Variants in LUM observed in about 807,000 individuals in gnomAD.
The protein encoded by LUM is KSPG lumican.
A neutral mutation model predicts 20.5 loss-of-function variants in LUM; 13 were observed. That is an observed-to-expected ratio of 0.63 (90% CI 0.41 to 1.01). The LOEUF (loss-of-function observed/expected upper bound fraction) is 1.01, where lower values mean the gene tolerates loss of function less well. Ranked by LOEUF, LUM falls within the 50% of genes least tolerant of loss-of-function variation. The pLI is 0.00. For synonymous variants in LUM, 173 were observed against 151.5 expected, an observed-to-expected ratio of 1.14 and a Z score of -1.04; for missense variants, 321 against 391.1, an observed-to-expected ratio of 0.82 and a Z score of 1.51.
In LUM at chr12:91,107,238, G is replaced by GGAAAGAAAGAAAGAAA. The variant is rs1555188589; in HGVS notation, c.862+864_862+879dup. Among the ~76,000 whole-genome samples, 13 of 67,358 alleles carry GGAAAGAAAGAAAGAAA rather than the reference G, an allele frequency of 1.9e-4. 1 individual carries two copies. The highest frequency in any genetic ancestry group is 7.0e-4 in the South Asian group (1 of 1,420). The allele number at this position is 67,358 out of a possible 152,430, so 44.2% of individuals were successfully genotyped here. On this transcript the variant is annotated intron_variant, in intron 2 of 2. Transcript: ENST00000266718. ...AAGAGAGAAAGAAGAAAGAAAGAAA[G>GGAAAGAAAGAAAGAAA]GAAAGAAAGAAAGAAAGAAAGAAAG...
At position 91,103,483 on chromosome 12, in the gene LUM, A is replaced by G. The variant is rs1879956945; in HGVS notation, c.*682T>C. 1 of 152,072 alleles carries G rather than the reference A, an allele frequency of 6.6e-6. No individual in the cohort carries two copies. The highest frequency in any genetic ancestry group is 1.9e-4 in the East Asian group (1 of 5,194). The allele number at this position is 152,072 out of a possible 1,614,324, so 9.4% of individuals were successfully genotyped here. A position where few individuals can be genotyped will look rare whatever the true frequency, so the allele number is the denominator to read the frequency against. On this transcript the variant is annotated 3_prime_UTR_variant, in exon 3 of 3. Transcript: ENST00000266718. ...AGGCCAGAGATATCTTTTGATTTCT[A>G]ATCTATTGTTTTATGTATTTTATAT... is the stretch of plus-strand genomic sequence containing the variant.
In LUM at chr12:91,108,891, T is replaced by C; in HGVS notation, c.89A>G (p.Tyr30Cys). 6.2e-7 allele frequency: 1 copy of C among 1,613,976 alleles called. No individual in the cohort carries two copies. The highest frequency in any genetic ancestry group is 1.7e-4 in the Middle Eastern group (1 of 6,060). ...TGCACAGTTTGGTGATGATTGCCCA[T>C]AAATTGATAGGGGAAAATCATAATC... ...YYDYDFPLSI[Y>C]GQSSPNCAPE... The change falls in exon 2 of 3, where the codon TAT becomes TGT. Residue 30 changes from tyrosine (Y) to cysteine (C), a missense_variant. Tyr to Cys is a radical substitution (Grantham distance 194). Coordinates refer to ENST00000266718, the MANE Select transcript of LUM (RefSeq NM_002345.4). The surrounding 1 kb of genome is among the most constrained non-coding windows in gnomAD (Gnocchi z 4.2).
chr12:91,103,091 CTGT>C lies in LUM; in HGVS notation c.*1071_*1073del, dbSNP rs1879944356. 1 of 152,034 alleles carries C rather than the reference CTGT, an allele frequency of 6.6e-6. No individual in the cohort carries two copies. Among genetic ancestry groups the C allele is most frequent in the Admixed American group, 6.6e-5 (1 of 15,254 alleles). The allele number at this position is 152,034 out of a possible 1,614,324, so 9.4% of individuals were successfully genotyped here. Reference sequence around the variant, plus strand: ...GTATATACTCATAGAAAGCTGAAAGCTGTTATTACTGGATTATGAACTCAAAAC... The same window carrying C: ...GTATATACTCATAGAAAGCTGAAAGCTATTACTGGATTATGAACTCAAAAC... On this transcript the variant is annotated 3_prime_UTR_variant, in exon 3 of 3. Coordinates refer to ENST00000266718, the MANE Select transcript of LUM (RefSeq NM_002345.4).
intron 2 of LUM, among the ~76,000 whole-genome samples, chr12:91,107,239 G>GA (rs1491329156): frequency 3.8e-5 from 1 of 26,364 alleles, no homozygotes; most frequent in African/African-American, 1.1e-4. Flanking sequence ...AGAAAGAAAG[G>GA]AAAGAAAGAA....
rs953238748 is a variant in LUM, at chr12:91,104,162, A to T, written c.*3T>A. On this transcript the variant is annotated 3_prime_UTR_variant, in exon 3 of 3. Coordinates refer to ENST00000266718, the MANE Select transcript of LUM (RefSeq NM_002345.4). The stretch of plus-strand genomic sequence containing the variant: ...CATAAAATATTGTTCCAGGATACAG[A>T]TATTAATTAAGAGTGACTTCGTTAG... The T allele has an allele frequency of 3.1e-6, 5 of 1,609,216 alleles. No homozygotes were observed. The highest frequency in any genetic ancestry group is 4.3e-6 in the Non-Finnish European group (5 of 1,176,276).
In LUM at chr12:91,103,931, C is replaced by A; in HGVS notation, c.*234G>T. Reference sequence around the variant, plus strand: ...TCATTTGACAGTAGAAATAAAAAAACACTAAATTTACAAATAAAGCATTGA... The same window carrying A: ...TCATTTGACAGTAGAAATAAAAAAAAACTAAATTTACAAATAAAGCATTGA... On this transcript the variant is annotated 3_prime_UTR_variant, in exon 3 of 3. Transcript: ENST00000266718. 2 of 355,734 alleles carry A rather than the reference C, an allele frequency of 5.6e-6. No individual in the cohort carries two copies. The highest frequency in any genetic ancestry group is 1.0e-5 in the Non-Finnish European group (2 of 197,082). The allele number at this position is 355,734 out of a possible 1,614,324, so 22.0% of individuals were successfully genotyped here.
Position 91,108,554 on chromosome 12 carries a change from C to A in LUM, c.426G>T (p.Leu142=). The change falls in exon 2 of 3, where the codon CTG becomes CTT. Residue 142 remains leucine (L), a synonymous_variant. Coordinates refer to ENST00000266718, the MANE Select transcript of LUM (RefSeq NM_002345.4). The surrounding 1 kb of genome is among the most constrained non-coding windows in gnomAD (Gnocchi z 4.2). ...TTGTGATCTTGTTATGAGTAAGCTG[C>A]AGATCCTCCAGAGATTTGGGAAGTG... The part of the protein sequence containing the change: ...VGPLPKSLED[L]QLTHNKITKL... The A allele has an allele frequency of 6.2e-7, 1 of 1,610,752 alleles. No homozygotes were observed. Among genetic ancestry groups the A allele is most frequent in the Non-Finnish European group, 8.5e-7 (1 of 1,177,682 alleles).
At chr12:91,104,360 A>G in intron 2 of LUM, 41 bp from the exon 3 acceptor site, 1 of 1,411,380 alleles carries the variant, frequency 7.1e-7, no homozygotes, top group Non-Finnish European at 9.9e-7. Flanking sequence ...ATTTTTCAGT[A>G]CACTGGCTCA....
Position 91,108,575 on chromosome 12 carries a change from A to C in LUM, c.405T>G (p.Leu135=), listed in dbSNP as rs1880131878. The C allele has an allele frequency of 6.2e-7, 1 of 1,611,090 alleles. No individual in the cohort carries two copies. Among genetic ancestry groups the C allele is most frequent in the African/African-American group, 1.3e-5 (1 of 74,706 alleles). ...HNNLTESVGP[L]PKSLEDLQLT... ...GCTGCAGATCCTCCAGAGATTTGGGAAGTGGGCCCACAGACTCTGTCAGGT... is the reference window on the plus strand; with the variant it reads ...GCTGCAGATCCTCCAGAGATTTGGGCAGTGGGCCCACAGACTCTGTCAGGT... Residue 135 remains leucine, a synonymous_variant, in exon 2 of 3, where the codon CTT becomes CTG. Coordinates refer to ENST00000266718, the MANE Select transcript of LUM (RefSeq NM_002345.4). The surrounding 1 kb of genome is among the most constrained non-coding windows in gnomAD (Gnocchi z 4.2).
In LUM at chr12:91,108,288, A is replaced by C; in HGVS notation, c.692T>G (p.Leu231Trp). 6.2e-7 allele frequency: 1 copy of C among 1,614,204 alleles called. No homozygotes were observed. Among genetic ancestry groups the C allele is most frequent in the Non-Finnish European group, 8.5e-7 (1 of 1,180,008 alleles). Residue 231 changes from leucine to tryptophan, a missense_variant, in exon 2 of 3, where the codon TTG becomes TGG. Leu to Trp is a moderately conservative substitution (Grantham distance 61). Coordinates refer to ENST00000266718, the MANE Select transcript of LUM (RefSeq NM_002345.4). This position sits in a 1 kb window ranked among gnomAD's most constrained non-coding sequence, Gnocchi z 4.2. ...PDEYFKRFNA[L>W]QYLRLSHNEL... ...GTTGTGAGATAAACGCAGATACTGC[A>C]ATGCATTAAAACGCTTGAAATACTC...
chr12:91,108,426 G>T lies in LUM; in HGVS notation c.554C>A (p.Ser185Ter). The part of the protein sequence containing the change: ...AVSAAFKGLK[S>*]LEYLDLSFNQ... ...GAAGCTCAAGTCAAGGTATTCGAGTGATTTAAGACCTTTAAAAGCAGCTGA... is the reference window on the plus strand; with the variant it reads ...GAAGCTCAAGTCAAGGTATTCGAGTTATTTAAGACCTTTAAAAGCAGCTGA... The change falls in exon 2 of 3, where the codon TCA becomes TAA. Residue 185 changes from serine (S) to a stop codon, truncating the protein, a stop_gained. Transcript: ENST00000266718. LOFTEE classifies it high-confidence loss of function. This position sits in a 1 kb window ranked among gnomAD's most constrained non-coding sequence, Gnocchi z 4.2. 1 of 1,614,090 alleles carries T rather than the reference G, an allele frequency of 6.2e-7. No homozygotes were observed. Among genetic ancestry groups the T allele is most frequent in the South Asian group, 1.1e-5 (1 of 91,066 alleles).
intron 2 of LUM, among the ~76,000 whole-genome samples, chr12:91,107,295 A>AAG (rs1216840006): frequency 5.0e-4 from 61 of 121,536 alleles, no homozygotes; most frequent in African/African-American, 5.8e-4. Context: ...AAGAGAAAGA[A>AAG]AGAAAGAAAG....
At chr12:91,107,299 AAG>A (rs1565758465) in intron 2 of LUM, among the ~76,000 whole-genome samples, 2 of 129,744 alleles carry the variant, frequency 1.5e-5, no homozygotes, top group African/African-American at 3.1e-5. Flanking sequence ...GAAAGAAAGA[AAG>A]AAAGAAAGAA....
In LUM at chr12:91,108,124, G is replaced by T. The variant is rs769933175; in HGVS notation, c.856C>A (p.Leu286Ile). The change falls in exon 2 of 3, where the codon CTT becomes ATT. Residue 286 changes from leucine (L) to isoleucine (I), a missense_variant. Physicochemically the swap from Leu to Ile is conservative, Grantham distance 5 (BLOSUM62 2). Coordinates refer to ENST00000266718, the MANE Select transcript of LUM (RefSeq NM_002345.4). This position sits in a 1 kb window ranked among gnomAD's most constrained non-coding sequence, Gnocchi z 4.2. ...LENYYLEVNQLEKFDIKSFCK... is the reference protein window; with the variant it reads ...LENYYLEVNQIEKFDIKSFCK... ...GGAACAGCTTTTTACTTACTCTCAA[G>T]TTGATTGACCTCCAGGTAATAGTTT... The T allele has an allele frequency of 1.2e-6, 2 of 1,613,972 alleles. No homozygotes were observed. Among genetic ancestry groups the T allele is most frequent in the Non-Finnish European group, 1.7e-6 (2 of 1,179,940 alleles).
chr12:91,109,825 TACTC>T lies in LUM; in HGVS notation c.-21-829_-21-826del, dbSNP rs563771991. On this transcript the variant is annotated intron_variant, in intron 1 of 2. Transcript: ENST00000266718. ...AATTAGAGTTATAGTCTCTCTCAATTACTCACAAGTTCTCTACTTTCTTCATGCC... is the reference window on the plus strand; with the variant it reads ...AATTAGAGTTATAGTCTCTCTCAATTACAAGTTCTCTACTTTCTTCATGCC... 2.2e-4 allele frequency among the ~76,000 whole-genome samples: 34 copies of T among 152,332 alleles called. No individual in the cohort carries two copies. The East Asian group carries it at 6.6e-3, about 29-fold the overall frequency.
At chr12:91,105,585 T>C (rs1880012457) in intron 2 of LUM, among the ~76,000 whole-genome samples, 2 of 152,160 alleles carry the variant, frequency 1.3e-5, no homozygotes, top group Admixed American at 6.5e-5. Context: ...TAGTTGATTA[T>C]TATCTGGCAA....
At position 91,108,257 on chromosome 12, in the gene LUM, C is replaced by G; in HGVS notation, c.723G>C (p.Leu241=). The G allele has an allele frequency of 6.2e-7, 1 of 1,614,066 alleles. No individual in the cohort carries two copies. Among genetic ancestry groups the G allele is most frequent in the Non-Finnish European group, 8.5e-7 (1 of 1,179,986 alleles). Residue 241 remains leucine, a synonymous_variant, in exon 2 of 3, where the codon CTG becomes CTC. Coordinates refer to ENST00000266718, the MANE Select transcript of LUM (RefSeq NM_002345.4). This position sits in a 1 kb window ranked among gnomAD's most constrained non-coding sequence, Gnocchi z 4.2. ...AATTTCCAGGTATTCCACTATCAGC[C>G]AGTTCGTTGTGAGATAAACGCAGAT... The part of the protein sequence containing the change: ...LQYLRLSHNE[L]ADSGIPGNSF...
At position 91,103,886 on chromosome 12, in the gene LUM, C is replaced by T; in HGVS notation, c.*279G>A. The T allele has an allele frequency of 4.0e-6, 1 of 250,022 alleles. No individual in the cohort carries two copies. Among genetic ancestry groups the T allele is most frequent in the Non-Finnish European group, 7.7e-6 (1 of 130,012 alleles). 15.5% of individuals were successfully genotyped at this position (250,022 alleles called of 1,614,324 possible). A position where few individuals can be genotyped will look rare whatever the true frequency, so the allele number is the denominator to read the frequency against. On this transcript the variant is annotated 3_prime_UTR_variant, in exon 3 of 3. Coordinates refer to ENST00000266718, the MANE Select transcript of LUM (RefSeq NM_002345.4). ...TAAAACTTGGCTGATTTCCATGCAACCAGTAAAAGGTTTTGCACATCATTT... is the reference window on the plus strand; with the variant it reads ...TAAAACTTGGCTGATTTCCATGCAATCAGTAAAAGGTTTTGCACATCATTT...
chr12:91,104,205 T>C lies in LUM; in HGVS notation c.977A>G (p.Tyr326Cys). The C allele has an allele frequency of 6.2e-7, 1 of 1,612,978 alleles. No individual in the cohort carries two copies. Among genetic ancestry groups the C allele is most frequent in the Non-Finnish European group, 8.5e-7 (1 of 1,179,170 alleles). Residue 326 changes from tyrosine to cysteine, a missense_variant, in exon 3 of 3, where the codon TAT (tyrosine) becomes TGT (cysteine). Physicochemically the swap from Tyr to Cys is radical, Grantham distance 194 (BLOSUM62 -2). Transcript: ENST00000266718. Reference protein sequence around the residue: ...ISETSLPPDMYECLRVANEVT... With the variant: ...ISETSLPPDMCECLRVANEVT... ...TTCGTTAGCAACACGTAGACATTCA[T>C]ACATATCCGGTGGAAGACTGGTTTC...
Sources: gnomAD v4.1 joint callset for allele counts (sites outside exome capture counted in the v4.1 genomes callset) on GRCh38, gnomAD v4.1.1 for gene constraint, Gnocchi (gnomAD v3.1) non-coding constraint, MANE v1.5 for transcripts, NCBI Gene and HGNC (gene_info 2026-07-23, HGNC 2026-07-21) for gene names.